Variants in CCN4 observed in about 807,000 individuals in gnomAD.
The protein encoded by CCN4 is cellular communication network factor 4.
A neutral mutation model predicts 36.7 loss-of-function variants in CCN4; 30 were observed. The observed-to-expected ratio is 0.82, with a 90% CI of 0.61 to 1.11. The LOEUF (loss-of-function observed/expected upper bound fraction) is 1.11, where lower values mean the gene tolerates loss of function less well. Among genes scored for constraint, CCN4 ranks in the 50% least tolerant of loss-of-function variants. The pLI, the probability that CCN4 is intolerant of heterozygous loss-of-function variation, is 0.00. For synonymous variants in CCN4, 191 were observed against 195.4 expected, an observed-to-expected ratio of 0.98 and a Z score of 0.19; for missense variants, 505 against 504.9, an observed-to-expected ratio of 1.00 and a Z score of 0.00.
At chr8:133,193,477 G>T (rs1853188754) in intron 1 of CCN4, among the ~76,000 whole-genome samples, 1 of 152,170 alleles carries the variant, frequency 6.6e-6, no homozygotes, top group Admixed American at 6.5e-5. Context: ...AAGGTGTATT[G>T]CAAATATGAC....
chr8:133,228,002 G>C lies in CCN4; in HGVS notation c.*292G>C. ...TTCCAAGTCACTAGAAGTCCTGCTG[G>C]ATCTTGCCTAAATCCCAAGAAATGG... On this transcript the variant is annotated 3_prime_UTR_variant, in exon 5 of 5. Coordinates refer to ENST00000250160, the MANE Select transcript of CCN4 (RefSeq NM_003882.4). 1 of 323,876 alleles carries C rather than the reference G, an allele frequency of 3.1e-6. No individual in the cohort carries two copies. The highest frequency in any genetic ancestry group is 5.6e-6 in the Non-Finnish European group (1 of 177,306). The allele number at this position is 323,876 out of a possible 1,614,324, so 20.1% of individuals were successfully genotyped here. A position where few individuals can be genotyped will look rare whatever the true frequency, so the allele number is the denominator to read the frequency against.
At chr8:133,213,876 C>A (rs1178354276) in intron 2 of CCN4, among the ~76,000 whole-genome samples, 1 of 129,654 alleles carries the variant, frequency 7.7e-6, no homozygotes, top group Non-Finnish European at 1.6e-5. Context: ...ATATACTATA[C>A]ACTATATATA....
chr8:133,193,725 G>T (rs955800192), intron 1 of CCN4, among the ~76,000 whole-genome samples: 6 of 152,214 alleles, frequency 3.9e-5, no homozygotes, highest in African/African-American at 1.4e-4. Flanking sequence ...ACTCGGAGAG[G>T]TTAAGTAATT....
intron 1 of CCN4, 49 bp downstream of exon 1, chr8:133,191,262 A>G: frequency 1.3e-6 from 2 of 1,569,786 alleles, no homozygotes. Flanking sequence ...TCCCTTCTCT[A>G]CTGGGTCCTG....
intron 1 of CCN4, among the ~76,000 whole-genome samples, chr8:133,204,262 A>C (rs1024709685): frequency 1.3e-5 from 2 of 152,220 alleles, no homozygotes; most frequent in African/African-American, 4.8e-5. Context: ...AGACCTGCTT[A>C]CAGAGCAGTT....
chr8:133,201,791 C>T (rs535152578), intron 1 of CCN4, among the ~76,000 whole-genome samples: 2 of 151,806 alleles, frequency 1.3e-5, no homozygotes, highest in East Asian at 3.9e-4. Context: ...TGCAGTGAGC[C>T]GAGATCACGC....
rs938439527 is a variant in CCN4 at position 133,227,337 on chromosome 8, TG to T, written c.805-69del. On this transcript the variant is annotated intron_variant, in intron 4 of 4. Coordinates refer to ENST00000250160, the MANE Select transcript of CCN4 (RefSeq NM_003882.4). ...TCCCACATAGTGAGAAGGGAAAAACTGGGGGCTCAGGGGAAGAAGGTGGTTG... is the reference window on the plus strand; with the variant it reads ...TCCCACATAGTGAGAAGGGAAAAACTGGGGCTCAGGGGAAGAAGGTGGTTG... The T allele has an allele frequency of 1.4e-5, 21 of 1,490,276 alleles. No homozygotes were observed. The African/African-American group carries it at 2.8e-4, about 20-fold the overall frequency. 92.3% of individuals were successfully genotyped at this position (1,490,276 alleles called of 1,614,324 possible).
chr8:133,205,984 C>T (rs1853757275), intron 1 of CCN4, among the ~76,000 whole-genome samples: 1 of 152,188 alleles, frequency 6.6e-6, no homozygotes, highest in Non-Finnish European at 1.5e-5. Context: ...AGGCCATACT[C>T]TCATTGTCCA....
rs1197240519 is a variant in CCN4 at position 133,220,660 on chromosome 8, C to T, written c.429C>T (p.Asn143=). 1 of 1,614,194 alleles carries T rather than the reference C, an allele frequency of 6.2e-7. No homozygotes were observed. The highest frequency in any genetic ancestry group is 8.5e-7 in the Non-Finnish European group (1 of 1,180,030). ...CCTTCCAGCCTAACTGCAAGTACAA[C>T]TGCACGTGCATCGACGGCGCGGTGG... ...GQSFQPNCKY[N]CTCIDGAVGC... Residue 143 remains asparagine (N), a synonymous_variant, in exon 3 of 5, where the codon AAC becomes AAT. Transcript: ENST00000250160.
intron 2 of CCN4, among the ~76,000 whole-genome samples, chr8:133,214,092 A>T (rs375306541): frequency 0.029 from 574 of 19,674 alleles, 1 homozygote; most frequent in Non-Finnish European, 0.04. Context: ...TAGTTATATA[A>T]ACTATATATA....
rs181046553 is a variant in CCN4, at chr8:133,207,561, C to T, written c.70-5303C>T. ...GGACAAGGCAGACCTTGGTTCCATC[C>T]CTGACTACCTGACCTGTGTGGCCTT... On this transcript the variant is annotated intron_variant, in intron 1 of 4. Coordinates refer to ENST00000250160, the MANE Select transcript of CCN4 (RefSeq NM_003882.4). Among the ~76,000 whole-genome samples the T allele has an allele frequency of 2.5e-4, 38 of 152,338 alleles. No homozygotes were observed. The Middle Eastern group carries it at 0.01, about 41-fold the overall frequency.
chr8:133,210,949 G>C (rs1015623957), intron 1 of CCN4, among the ~76,000 whole-genome samples: 3 of 152,136 alleles, frequency 2.0e-5, no homozygotes, highest in Non-Finnish European at 4.4e-5. Flanking sequence ...GGAAAGGGTG[G>C]ATTTGACCAA....
chr8:133,207,546 G>A (rs1178804538), intron 1 of CCN4, among the ~76,000 whole-genome samples: 1 of 152,242 alleles, frequency 6.6e-6, no homozygotes, highest in African/African-American at 2.4e-5. Context: ...GGACAAGGCA[G>A]ACCTTGGTTC....
intron 3 of CCN4, among the ~76,000 whole-genome samples, chr8:133,224,362 C>T (rs1449392880): frequency 6.7e-6 from 1 of 149,756 alleles, no homozygotes; most frequent in Non-Finnish European, 1.5e-5. Context: ...GACTAAACCT[C>T]CTGAGTAGCT....
At chr8:133,209,114 G>A (rs993661328) in intron 1 of CCN4, among the ~76,000 whole-genome samples, 8 of 152,132 alleles carry the variant, frequency 5.3e-5, no homozygotes, top group South Asian at 2.1e-4. Context: ...CTCAGTCATC[G>A]TGCACATCCC....
intron 1 of CCN4, among the ~76,000 whole-genome samples, chr8:133,204,514 G>A (rs987053580): frequency 1.4e-4 from 21 of 152,160 alleles, no homozygotes; most frequent in East Asian, 1.9e-4. Flanking sequence ...AAACTGCTAC[G>A]GATTCCAGGC....
chr8:133,221,739 G>A (rs1854536628), intron 3 of CCN4, among the ~76,000 whole-genome samples: 3 of 151,904 alleles, frequency 2.0e-5, no homozygotes, highest in African/African-American at 7.3e-5. Context: ...ATGGATGGAT[G>A]GATATATGTA....
At chr8:133,199,971 C>A (rs1853528561) in intron 1 of CCN4, among the ~76,000 whole-genome samples, 1 of 152,166 alleles carries the variant, frequency 6.6e-6, no homozygotes, top group Non-Finnish European at 1.5e-5. Context: ...GTTTTACGCA[C>A]TTCCATGGCA....
At chr8:133,212,299 G>T (rs1442058436) in intron 1 of CCN4, among the ~76,000 whole-genome samples, 1 of 152,090 alleles carries the variant, frequency 6.6e-6, no homozygotes, top group African/African-American at 2.4e-5. Flanking sequence ...AATACCTGCC[G>T]CTGCACCACG....
Sources: allele counts gnomAD v4.1 joint callset (sites outside exome capture counted in the v4.1 genomes callset), GRCh38; gene constraint gnomAD v4.1.1; transcripts MANE v1.5; gene names NCBI Gene and HGNC (gene_info 2026-07-23, HGNC 2026-07-21).